The following DERL1 variants were observed in gnomAD, a reference collection of about 807,000 sequenced individuals.
DERL1 encodes derlin-1.
In DERL1, 24 loss-of-function variants were observed where a neutral mutation model predicts 41.6. The ratio of observed to expected loss-of-function variants is 0.58; its 90% CI spans 0.42 to 0.81. The LOEUF is 0.81. DERL1 is among the 30% of genes least tolerant of loss of function. The pLI, the probability that DERL1 is intolerant of heterozygous loss-of-function variation, is 0.00. For synonymous variants in DERL1, 124 were observed against 112.5 expected (o/e 1.10, Z -0.65); for missense variants, 260 against 314.3 (o/e 0.83, Z 1.31).
chr8:123,017,263 C>T (rs1448176832), intron 7 of DERL1: 1 of 152,176 alleles, frequency 6.6e-6, no homozygotes, highest in Non-Finnish European at 1.5e-5. Context: ...TTCCTATACT[C>T]ACCTCCTCCA....
At chr8:123,039,979 AG>A (rs1320378367) in intron 1 of DERL1, among the ~76,000 whole-genome samples, 1 of 152,218 alleles carries the variant, frequency 6.6e-6, no homozygotes, top group Non-Finnish European at 1.5e-5. Flanking sequence ...GCACTTTGGG[AG>A]GCTGAGGCGG....
chr8:123,019,509 G>A (rs934525651), intron 6 of DERL1, among the ~76,000 whole-genome samples: 2 of 152,016 alleles, frequency 1.3e-5, no homozygotes, highest in Non-Finnish European at 1.5e-5. Flanking sequence ...AACCAATGAG[G>A]CCTGCCACTC....
At chr8:123,027,338 G>C (rs1454223529) in intron 2 of DERL1, among the ~76,000 whole-genome samples, 1 of 151,292 alleles carries the variant, frequency 6.6e-6, no homozygotes, top group Non-Finnish European at 1.5e-5. Flanking sequence ...TCTCCTAAGG[G>C]TGTGGGGGAG....
chr8:123,033,296 A>G (rs2130488807), intron 1 of DERL1, among the ~76,000 whole-genome samples: 1 of 152,312 alleles, frequency 6.6e-6, no homozygotes, highest in Non-Finnish European at 1.5e-5. Context: ...TTCTAAATGA[A>G]TTAGAACCAT....
At chr8:123,028,189 C>A (rs1388580865) in intron 2 of DERL1, among the ~76,000 whole-genome samples, 4 of 151,914 alleles carry the variant, frequency 2.6e-5, no homozygotes, top group African/African-American at 9.7e-5. Flanking sequence ...AATGAAATGC[C>A]TGGCATTTTG....
chr8:123,034,266 A>T lies in DERL1; in HGVS notation c.154-3550T>A, dbSNP rs1812876938. Among the ~76,000 whole-genome samples the T allele has an allele frequency of 2.6e-5, 4 of 152,222 alleles. No homozygotes were observed. In the East Asian group the frequency reaches 7.7e-4, roughly 29 times the overall value. Reference sequence around the variant, plus strand: ...AGGGAAATGCAATGTGCATACCAAAAAAGTGACTTTCCAAGAAACGTGTAT... The same window carrying T: ...AGGGAAATGCAATGTGCATACCAAATAAGTGACTTTCCAAGAAACGTGTAT... On this transcript the variant is annotated intron_variant, in intron 1 of 7. Transcript: ENST00000259512.
At chr8:123,023,677 T>C (rs760142131) in intron 4 of DERL1, 36 bp downstream of exon 4, 1 of 1,598,946 alleles carries the variant, frequency 6.3e-7, no homozygotes, top group East Asian at 2.3e-5. Context: ...TTGAAACAAA[T>C]AAAAGGGCAA....
chr8:123,028,492 T>C (rs1310379014), intron 2 of DERL1, among the ~76,000 whole-genome samples: 1 of 152,150 alleles, frequency 6.6e-6, no homozygotes, highest in Non-Finnish European at 1.5e-5. Context: ...TTGGCTTTTT[T>C]AGGGAATGAT....
intron 1 of DERL1, among the ~76,000 whole-genome samples, chr8:123,039,993 G>A (rs1467250165): frequency 1.3e-5 from 2 of 152,240 alleles, no homozygotes; most frequent in African/African-American, 4.8e-5. Context: ...TGAGGCGGGT[G>A]GATCACCTGA....
At chr8:123,041,923 G>A in intron 1 of DERL1, 47 bp downstream of exon 1, 3 of 1,521,682 alleles carry the variant, frequency 2.0e-6, no homozygotes, top group Non-Finnish European at 2.6e-6. Flanking sequence ...CCGCCGCTGG[G>A]CCTCCTGGGG....
chr8:123,031,927 C>T (rs1812824868), intron 1 of DERL1, among the ~76,000 whole-genome samples: 1 of 152,088 alleles, frequency 6.6e-6, no homozygotes, highest in Non-Finnish European at 1.5e-5. Flanking sequence ...GTAGATACTG[C>T]CAAATGCCTA....
At position 123,022,709 on chromosome 8, in the gene DERL1, G is replaced by A. The variant is rs776797591; in HGVS notation, c.428C>T (p.Ser143Leu). 6 of 1,614,070 alleles carry A rather than the reference G, an allele frequency of 3.7e-6. No homozygotes were observed. The Admixed American group carries it at 5.0e-5, about 13-fold the overall frequency. ...WAQLNRDMIV[S>L]FWFGTRFKAC... ...CTTAAATCGTGTTCCAAACCAAAAT[G>A]ATACAATCATGTCTCTGTTCAGCTG... The change falls in exon 5 of 8, where the codon TCA (serine) becomes TTA (leucine). Residue 143 changes from serine (S) to leucine (L), a missense_variant. Transcript: ENST00000259512.
chr8:123,024,903 A>G lies in DERL1; in HGVS notation c.330+83T>C, dbSNP rs933750953. ...CAAGATGCAAATATTGTAATTTGAAACGTTTACAGAATATGGTCTATTTCC... is the reference window on the plus strand; with the variant it reads ...CAAGATGCAAATATTGTAATTTGAAGCGTTTACAGAATATGGTCTATTTCC... On this transcript the variant is annotated intron_variant, in intron 3 of 7. Coordinates refer to ENST00000259512, the MANE Select transcript of DERL1 (RefSeq NM_024295.6). The G allele has an allele frequency of 1.4e-5, 19 of 1,373,124 alleles. No individual in the cohort carries two copies. The African/African-American group carries it at 2.6e-4, about 19-fold the overall frequency. The allele number at this position is 1,373,124 out of a possible 1,614,324, so 85.1% of individuals were successfully genotyped here.
chr8:123,021,596 G>T, intron 5 of DERL1, 97 bp from the exon 6 acceptor site: 2 of 1,082,842 alleles, frequency 1.8e-6, no homozygotes, highest in Non-Finnish European at 2.8e-6. Context: ...ACTGACAAGG[G>T]CTTTATATAA....
chr8:123,022,551 C>T, intron 5 of DERL1, 133 bp downstream of exon 5: 1 of 761,198 alleles, frequency 1.3e-6, no homozygotes, highest in Non-Finnish European at 2.2e-6. Flanking sequence ...TTGAGGAGGG[C>T]AGAAAGGGGC....
At chr8:123,033,049 G>A (rs1381649232) in intron 1 of DERL1, among the ~76,000 whole-genome samples, 1 of 151,732 alleles carries the variant, frequency 6.6e-6, no homozygotes, top group Non-Finnish European at 1.5e-5. Flanking sequence ...TGTTTTTTGA[G>A]ACGGGCTCTT....
At chr8:123,032,137 T>G (rs1368300570) in intron 1 of DERL1, among the ~76,000 whole-genome samples, 1 of 100,310 alleles carries the variant, frequency 1.0e-5, no homozygotes, top group Non-Finnish European at 2.2e-5. Flanking sequence ...GGATTTACAT[T>G]TTTTTTTTCC....
intron 4 of DERL1, among the ~76,000 whole-genome samples, chr8:123,023,333 G>A (rs755820108): frequency 6.6e-6 from 1 of 152,112 alleles, no homozygotes; most frequent in Non-Finnish European, 1.5e-5. Flanking sequence ...CGAGGCAGGC[G>A]GATCATGAGG....
rs145352845 is a variant in DERL1, at chr8:123,017,759, T to A, written c.617+1436A>T. Reference sequence around the variant, plus strand: ...TAAGTTAGAATATGGCCATTTAAAGTAAAGTAACTGTTGGCTGCCCCCCAA... The same window carrying A: ...TAAGTTAGAATATGGCCATTTAAAGAAAAGTAACTGTTGGCTGCCCCCCAA... On this transcript the variant is annotated intron_variant, in intron 7 of 7. Transcript: ENST00000259512. 318 of 152,248 alleles carry A rather than the reference T, an allele frequency of 2.1e-3. 3 individuals carry two copies. The highest frequency in any genetic ancestry group is 7.1e-3 in the African/African-American group (295 of 41,534). 9.4% of individuals were successfully genotyped at this position (152,248 alleles called of 1,614,324 possible).
Sources: allele counts gnomAD v4.1 joint callset (sites outside exome capture counted in the v4.1 genomes callset), GRCh38; gene constraint gnomAD v4.1.1; transcripts MANE v1.5; gene names NCBI Gene and HGNC (gene_info 2026-07-23, HGNC 2026-07-21).